The following IFT43 variants were observed in gnomAD, a reference collection of about 807,000 sequenced individuals.
IFT43 encodes intraflagellar transport 43.
A neutral mutation model predicts 32.3 loss-of-function variants in IFT43; 33 were observed. The ratio of observed to expected loss-of-function variants is 1.02; its 90% CI spans 0.77 to 1.37. The LOEUF is 1.37. Ranked by LOEUF, IFT43 falls within the 40% of genes most tolerant of loss-of-function variation. The pLI is 0.00. For synonymous variants in IFT43, 93 were observed against 98.2 expected (o/e 0.95, Z 0.31); for missense variants, 274 against 265.9 (o/e 1.03, Z -0.21).
intron 2 of IFT43, among the ~76,000 whole-genome samples, chr14:76,002,577 A>AGAACT (rs749261516): frequency 6.6e-5 from 10 of 152,220 alleles, no homozygotes; most frequent in Non-Finnish European, 1.2e-4. Context: ...GCTAAACATT[A>AGAACT]GAACTGTTCA....
chr14:76,057,242 AT>A (rs11458529), intron 3 of IFT43, among the ~76,000 whole-genome samples: 5 of 151,362 alleles, frequency 3.3e-5, no homozygotes, highest in African/African-American at 7.3e-5. Context: ...TTATATTATT[AT>A]TTTTTTTGAG....
chr14:76,004,154 A>G (rs2035940162), intron 2 of IFT43, among the ~76,000 whole-genome samples: 1 of 152,140 alleles, frequency 6.6e-6, no homozygotes, highest in Non-Finnish European at 1.5e-5. Context: ...CTTCCAATAG[A>G]TCTAAGTTTC....
intron 5 of IFT43, 34 bp downstream of exon 5, chr14:76,059,407 C>G (rs1272554072): frequency 3.8e-6 from 6 of 1,598,432 alleles, no homozygotes; most frequent in Non-Finnish European, 5.1e-6. Context: ...AAAAGGTCTT[C>G]TAGAGAGGCC....
rs551543171 is a variant in IFT43 at position 76,035,414 on chromosome 14, T to C, written c.215+13020T>C. Among the ~76,000 whole-genome samples, 6 of 152,302 alleles carry C rather than the reference T, an allele frequency of 3.9e-5. No individual in the cohort carries two copies. In the South Asian group the frequency reaches 1.0e-3, roughly 26 times the overall value. Reference sequence around the variant, plus strand: ...AGATGGCGGTAGAACTGCTGTGTGCTGGTCCCGAGGTTATCCCCCTTCCCT... The same window carrying C: ...AGATGGCGGTAGAACTGCTGTGTGCCGGTCCCGAGGTTATCCCCCTTCCCT... On this transcript the variant is annotated intron_variant, in intron 3 of 8. Coordinates refer to ENST00000314067, the MANE Select transcript of IFT43 (RefSeq NM_001102564.3).
intron 3 of IFT43, among the ~76,000 whole-genome samples, chr14:76,053,959 C>A (rs1293917615): frequency 1.3e-5 from 2 of 152,198 alleles, no homozygotes; most frequent in Admixed American, 6.5e-5. Context: ...AGGCCCCTTG[C>A]TATTTCTTCC....
chr14:76,025,918 G>C (rs1212140624), intron 3 of IFT43, among the ~76,000 whole-genome samples: 1 of 152,142 alleles, frequency 6.6e-6, no homozygotes, highest in African/African-American at 2.4e-5. Context: ...GACACCAAAA[G>C]CAATCGTAAC....
chr14:75,999,253 A>ATTCATT (rs1566699375), intron 2 of IFT43, among the ~76,000 whole-genome samples: 4 of 10,668 alleles, frequency 3.7e-4, no homozygotes, highest in Admixed American at 2.2e-3. Context: ...ATATATATAT[A>ATTCATT]TATATATATA....
At chr14:76,028,934 G>A (rs1024493847) in intron 3 of IFT43, among the ~76,000 whole-genome samples, 1 of 152,264 alleles carries the variant, frequency 6.6e-6, no homozygotes, top group East Asian at 1.9e-4. Context: ...GTTTGCAAGT[G>A]TCTTTTTGAT....
intron 5 of IFT43, among the ~76,000 whole-genome samples, chr14:76,080,282 G>A (rs2360669): frequency 0.31 from 46,676 of 151,942 alleles, 8,451 homozygotes; most frequent in East Asian, 0.43. Context: ...CCCCACCAGC[G>A]CCGCTCTGAG....
chr14:76,081,157 T>TAG (rs2037503713), intron 5 of IFT43, among the ~76,000 whole-genome samples: 1 of 152,242 alleles, frequency 6.6e-6, no homozygotes, highest in Admixed American at 6.5e-5. Flanking sequence ...GTCACTTGAC[T>TAG]AGAGTGATCA....
intron 5 of IFT43, among the ~76,000 whole-genome samples, chr14:76,072,011 A>G (rs2037330690): frequency 6.6e-6 from 1 of 151,978 alleles, no homozygotes; most frequent in Non-Finnish European, 1.5e-5. Flanking sequence ...TCTCAGCTTT[A>G]CTTCTTGGCC....
rs139888410 is a variant in IFT43 at position 76,026,499 on chromosome 14, A to G, written c.215+4105A>G. On this transcript the variant is annotated intron_variant, in intron 3 of 8. Transcript: ENST00000314067. ...CTTGAACCTGGGAGGCAGAGGTTGC[A>G]GTGAGCTGAGATTGTGCCATTGCAC... 4.7e-3 allele frequency among the ~76,000 whole-genome samples: 695 copies of G among 148,524 alleles called. 8 individuals are homozygous for G. The highest frequency in any genetic ancestry group is 0.017 in the African/African-American group (670 of 40,158).
intron 2 of IFT43, among the ~76,000 whole-genome samples, chr14:76,015,348 C>T (rs1177953225): frequency 6.6e-6 from 1 of 152,160 alleles, no homozygotes; most frequent in East Asian, 1.9e-4. Flanking sequence ...GCCTGTCCCT[C>T]CTCCTCTCCC....
intron 2 of IFT43, among the ~76,000 whole-genome samples, chr14:76,000,431 AT>A (rs530537491): frequency 0.044 from 6,336 of 143,676 alleles, 433 homozygotes; most frequent in African/African-American, 0.15. Flanking sequence ...CGCCAGGCTA[AT>A]TTTTTTTTTT....
chr14:76,036,393 G>T (rs1186485083), intron 3 of IFT43, among the ~76,000 whole-genome samples: 23 of 122,934 alleles, frequency 1.9e-4, no homozygotes, highest in Admixed American at 3.3e-4. Flanking sequence ...TTGTTCTTTC[G>T]TTCTTTCTGT....
In IFT43 at chr14:75,999,261, A is replaced by ATTT. The variant is rs1352018376; in HGVS notation, c.147+10285_147+10286insTTT. Among the ~76,000 whole-genome samples, 10 of 23,360 alleles carry ATTT rather than the reference A, an allele frequency of 4.3e-4. 1 individual carries two copies. Among genetic ancestry groups the ATTT allele is most frequent in the Admixed American group, 2.1e-3 (4 of 1,926 alleles). 15.3% of individuals were successfully genotyped at this position (23,360 alleles called of 152,430 possible). Reference sequence around the variant, plus strand: ...TATATATATATATATATATATATATATATATATATATGTATATATATTTTT... The same window carrying ATTT: ...TATATATATATATATATATATATATATTTTATATATATATGTATATATATTTTT... On this transcript the variant is annotated intron_variant, in intron 2 of 8. Coordinates refer to ENST00000314067, the MANE Select transcript of IFT43 (RefSeq NM_001102564.3).
intron 6 of IFT43, 75 bp from the exon 7 acceptor site, chr14:76,082,542 G>A (rs1221721313): frequency 1.9e-6 from 3 of 1,557,044 alleles, no homozygotes; most frequent in Admixed American, 1.7e-5. Context: ...CAAGGTTCTG[G>A]GGACGGTGGC....
intron 3 of IFT43, among the ~76,000 whole-genome samples, chr14:76,027,299 C>T (rs1340641277): frequency 6.6e-6 from 1 of 150,756 alleles, no homozygotes; most frequent in Non-Finnish European, 1.5e-5. Flanking sequence ...TCCACCCTCT[C>T]CTCCCACTTT....
At chr14:75,999,279 A>T (rs1464998185) in intron 2 of IFT43, among the ~76,000 whole-genome samples, 2,798 of 19,942 alleles carry the variant, frequency 0.14, 368 homozygotes, top group African/African-American at 0.31. Context: ...ATATGTATAT[A>T]TATTTTTTTT....
Sources: gnomAD v4.1 joint callset for allele counts (sites outside exome capture counted in the v4.1 genomes callset) on GRCh38, gnomAD v4.1.1 for gene constraint, MANE v1.5 for transcripts, NCBI Gene and HGNC (gene_info 2026-07-23, HGNC 2026-07-21) for gene names.